SCARA5: variants seen among roughly 807,000 people sequenced by gnomAD.
SCARA5 encodes scavenger receptor class A member 5.
In SCARA5, 45 loss-of-function variants were observed where a neutral mutation model predicts 46.3. The observed-to-expected ratio is 0.97, with a 90% CI of 0.76 to 1.24. The LOEUF is 1.24. Among genes scored for constraint, SCARA5 ranks in the 50% most tolerant of loss-of-function variants. The probability of loss-of-function intolerance (pLI) is 0.00; values close to 1 mark genes in which losing one functional copy is unlikely to be tolerated. For missense variants in SCARA5, 680 were observed against 689.0 expected (o/e 0.99, Z 0.15); for synonymous variants, 333 against 306.5 (o/e 1.09, Z -0.90).
intron 3 of SCARA5, among the ~76,000 whole-genome samples, chr8:27,963,230 C>T (rs569974977): frequency 6.6e-6 from 1 of 152,288 alleles, no homozygotes; most frequent in South Asian, 2.1e-4. Flanking sequence ...CCCTCTGACC[C>T]CTTAATTCTA....
At chr8:27,947,172 C>G (rs1243526574) in intron 3 of SCARA5, among the ~76,000 whole-genome samples, 1 of 152,108 alleles carries the variant, frequency 6.6e-6, no homozygotes, top group Non-Finnish European at 1.5e-5. Flanking sequence ...CTACCACGTC[C>G]GGCTACCTTT....
intron 3 of SCARA5, among the ~76,000 whole-genome samples, chr8:27,962,402 G>C (rs1245103615): frequency 6.6e-6 from 1 of 152,214 alleles, no homozygotes; most frequent in East Asian, 1.9e-4. Context: ...GGTCCCCTGA[G>C]TACAGCATTG....
At chr8:27,897,369 T>A (rs1210715870) in intron 7 of SCARA5, among the ~76,000 whole-genome samples, 1 of 152,228 alleles carries the variant, frequency 6.6e-6, no homozygotes, top group East Asian at 1.9e-4. Flanking sequence ...CCCAAGTTTG[T>A]TTGAAATGTT....
At chr8:27,982,295 C>T (rs1266757808) in intron 2 of SCARA5, among the ~76,000 whole-genome samples, 2 of 151,370 alleles carry the variant, frequency 1.3e-5, no homozygotes, top group Admixed American at 6.6e-5. Flanking sequence ...ACTCCCAGAT[C>T]GGCCTCCTCC....
intron 7 of SCARA5, among the ~76,000 whole-genome samples, chr8:27,898,667 C>T (rs1049819629): frequency 2.0e-5 from 3 of 152,172 alleles, no homozygotes; most frequent in Admixed American, 6.5e-5. Flanking sequence ...TCATAGTAAG[C>T]CCCTTCCAAC....
intron 2 of SCARA5, among the ~76,000 whole-genome samples, chr8:27,971,968 G>C (rs772719549): frequency 2.0e-5 from 3 of 152,018 alleles, no homozygotes; most frequent in Non-Finnish European, 4.4e-5. Context: ...AAATTTCTTT[G>C]GAAGGAAACT....
At chr8:27,952,609 G>A (rs2129904454) in intron 3 of SCARA5, among the ~76,000 whole-genome samples, 1 of 152,312 alleles carries the variant, frequency 6.6e-6, no homozygotes, top group South Asian at 2.1e-4. Context: ...CATGCAGAGA[G>A]GCAGAATAAT....
intron 6 of SCARA5, among the ~76,000 whole-genome samples, chr8:27,905,854 G>A (rs1198318455): frequency 1.3e-5 from 2 of 151,966 alleles, no homozygotes; most frequent in African/African-American, 4.8e-5. Context: ...GGGATCACAG[G>A]TGTGCCCCAA....
At chr8:27,901,402 G>A (rs1338141646) in intron 7 of SCARA5, among the ~76,000 whole-genome samples, 1 of 152,116 alleles carries the variant, frequency 6.6e-6, no homozygotes, top group Non-Finnish European at 1.5e-5. Flanking sequence ...GTAGCTCTCC[G>A]GTGCTGCAAA....
At chr8:27,928,328 C>T (rs899017146) in intron 3 of SCARA5, among the ~76,000 whole-genome samples, 1 of 152,224 alleles carries the variant, frequency 6.6e-6, no homozygotes, top group African/African-American at 2.4e-5. Flanking sequence ...TATACTTTCA[C>T]AAATGGGAAA....
chr8:27,986,535 T>A (rs1037066607), intron 2 of SCARA5, among the ~76,000 whole-genome samples: 1 of 152,166 alleles, frequency 6.6e-6, no homozygotes, highest in Non-Finnish European at 1.5e-5. Flanking sequence ...AGAGCCACCA[T>A]GGTGGACAAT....
chr8:27,890,956 T>C (rs1398396558), intron 7 of SCARA5, among the ~76,000 whole-genome samples: 2 of 152,070 alleles, frequency 1.3e-5, no homozygotes, highest in Non-Finnish European at 2.9e-5. Flanking sequence ...GCGTGGTGGG[T>C]GAGGGGAGCC....
intron 7 of SCARA5, among the ~76,000 whole-genome samples, chr8:27,889,028 T>C (rs1806940591): frequency 6.6e-6 from 1 of 152,006 alleles, no homozygotes; most frequent in South Asian, 2.1e-4. Context: ...GCCTCCCCAT[T>C]CCTCAACCTG....
chr8:27,909,177 T>C (rs563284976), intron 5 of SCARA5: 2 of 152,660 alleles, frequency 1.3e-5, no homozygotes, highest in South Asian at 2.1e-4. Flanking sequence ...GCTGTCACTA[T>C]GTGCAGCAGG....
chr8:27,939,235 C>T (rs914915529), intron 3 of SCARA5, among the ~76,000 whole-genome samples: 2 of 152,202 alleles, frequency 1.3e-5, no homozygotes, highest in Non-Finnish European at 2.9e-5. Context: ...CCACCCCAAA[C>T]ACCATGCCCC....
At chr8:27,912,417 T>A (rs2726999) in intron 4 of SCARA5, among the ~76,000 whole-genome samples, 83,545 of 152,018 alleles carry the variant, frequency 0.55, 23,768 homozygotes, top group Non-Finnish European at 0.63. Context: ...AATTCACAAG[T>A]AATACAGATG....
intron 7 of SCARA5, among the ~76,000 whole-genome samples, chr8:27,893,810 T>A (rs1807021797): frequency 6.6e-6 from 1 of 152,204 alleles, no homozygotes; most frequent in Non-Finnish European, 1.5e-5. Flanking sequence ...CACTGGGGTG[T>A]GAGATGAGGA....
intron 4 of SCARA5, among the ~76,000 whole-genome samples, chr8:27,916,495 G>A (rs762459846): frequency 6.6e-6 from 1 of 152,154 alleles, no homozygotes; most frequent in Non-Finnish European, 1.5e-5. Flanking sequence ...ATTTGTGTAT[G>A]TATGCAGGTG....
intron 4 of SCARA5, among the ~76,000 whole-genome samples, chr8:27,917,812 A>AG (rs1222177032): frequency 1.3e-5 from 2 of 152,302 alleles, no homozygotes; most frequent in Middle Eastern, 6.8e-3. Context: ...AATCCCTGCT[A>AG]GGGGCAAGGG....
Sources: gnomAD v4.1 joint callset for allele counts (sites outside exome capture counted in the v4.1 genomes callset) on GRCh38, gnomAD v4.1.1 for gene constraint, MANE v1.5 for transcripts, NCBI Gene and HGNC (gene_info 2026-07-23, HGNC 2026-07-21) for gene names.